The following DTNB variants were observed in gnomAD, a reference collection of about 807,000 sequenced individuals.
DTNB encodes DTN-B.
A neutral mutation model predicts 90.7 loss-of-function variants in DTNB; 63 were observed. That is an observed-to-expected ratio of 0.69 (90% CI 0.57 to 0.86). The LOEUF is 0.86. Ranked by LOEUF, DTNB falls within the 40% of genes least tolerant of loss-of-function variation. DTNB has a pLI of 0.00. For missense variants in DTNB, 744 were observed against 807.1 expected, an observed-to-expected ratio of 0.92 and a Z score of 0.95; for synonymous variants, 277 against 286.7, an observed-to-expected ratio of 0.97 and a Z score of 0.34.
At chr2:25,620,035 G>A (rs2072051213) in intron 4 of DTNB, among the ~76,000 whole-genome samples, 1 of 151,912 alleles carries the variant, frequency 6.6e-6, no homozygotes. Context: ...GTGAGACTCT[G>A]TCTCAAAAAA....
chr2:25,515,375 AACTT>A (rs1212878292), intron 9 of DTNB, among the ~76,000 whole-genome samples: 4 of 152,216 alleles, frequency 2.6e-5, no homozygotes, highest in Admixed American at 2.6e-4. Context: ...CCAATTTCAA[AACTT>A]ACTGTTAAGT....
chr2:25,468,415 A>G (rs894472842), intron 10 of DTNB, among the ~76,000 whole-genome samples: 3 of 152,142 alleles, frequency 2.0e-5, no homozygotes, highest in African/African-American at 4.8e-5. Flanking sequence ...TGAACTGTCC[A>G]TGTTGGAACA....
At chr2:25,547,886 TG>T (rs1359153395) in intron 8 of DTNB, among the ~76,000 whole-genome samples, 4 of 152,232 alleles carry the variant, frequency 2.6e-5, no homozygotes, top group African/African-American at 9.6e-5. Context: ...TTACCAAATT[TG>T]GTAATACCTA....
chr2:25,517,628 C>T (rs2075355769), intron 9 of DTNB, among the ~76,000 whole-genome samples: 1 of 152,036 alleles, frequency 6.6e-6, no homozygotes, highest in Non-Finnish European at 1.5e-5. Context: ...GAGGGTTCCT[C>T]GAATCCTCAA....
intron 1 of DTNB, among the ~76,000 whole-genome samples, chr2:25,661,816 G>A (rs1289011025): frequency 2.6e-5 from 4 of 152,094 alleles, no homozygotes; most frequent in Non-Finnish European, 5.9e-5. Flanking sequence ...TATATTGCTG[G>A]TGAAAGCATA....
chr2:25,509,081 T>G (rs1007989142), intron 9 of DTNB, among the ~76,000 whole-genome samples: 4 of 152,240 alleles, frequency 2.6e-5, no homozygotes, highest in Non-Finnish European at 5.9e-5. Context: ...GCATTTTCTA[T>G]GTACACAATC....
At chr2:25,571,685 TC>T (rs909946425) in intron 8 of DTNB, among the ~76,000 whole-genome samples, 11 of 152,060 alleles carry the variant, frequency 7.2e-5, no homozygotes, top group Non-Finnish European at 1.6e-4. Context: ...CATGTTAGAG[TC>T]CCATGCAGGT....
At chr2:25,631,581 A>C (rs2075764975) in intron 3 of DTNB, among the ~76,000 whole-genome samples, 2 of 152,048 alleles carry the variant, frequency 1.3e-5, no homozygotes, top group African/African-American at 2.4e-5. Context: ...GTCAAAAAAA[A>C]AAAAAGAAAG....
chr2:25,413,965 C>T lies in DTNB; in HGVS notation c.1575+5550G>A, dbSNP rs62128533. On this transcript the variant is annotated intron_variant, in intron 16 of 20. Transcript: ENST00000406818. ...TGTTGTTTCCTGACTTTTTAATGAT[C>T]GCCATTCTAACTGGTGTGAGATGGT... Among the ~76,000 whole-genome samples the T allele has an allele frequency of 2.2e-3, 334 of 152,206 alleles. 1 individual carries two copies. The highest frequency in any genetic ancestry group is 3.9e-3 in the Non-Finnish European group (266 of 68,020).
chr2:25,447,383 G>C (rs938549271), intron 12 of DTNB, among the ~76,000 whole-genome samples: 1 of 151,942 alleles, frequency 6.6e-6, no homozygotes, highest in East Asian at 1.9e-4. Context: ...TAATGTAAAT[G>C]TACCCAAAGT....
intron 1 of DTNB, among the ~76,000 whole-genome samples, chr2:25,659,634 AC>A (rs1444512878): frequency 6.6e-6 from 1 of 152,166 alleles, no homozygotes; most frequent in African/African-American, 2.4e-5. Flanking sequence ...TCTAATCTAT[AC>A]ATATAACAAC....
At chr2:25,493,290 T>C (rs2067986998) in intron 9 of DTNB, among the ~76,000 whole-genome samples, 1 of 152,246 alleles carries the variant, frequency 6.6e-6, no homozygotes, top group Admixed American at 6.5e-5. Flanking sequence ...ACATTTAATC[T>C]CTTATTAATA....
chr2:25,549,467 T>C (rs933798581), intron 8 of DTNB, among the ~76,000 whole-genome samples: 1 of 152,156 alleles, frequency 6.6e-6, no homozygotes, highest in Non-Finnish European at 1.5e-5. Context: ...TTCTTACAAG[T>C]TGGAGTTACA....
At position 25,434,243 on chromosome 2, in the gene DTNB, G is replaced by A. The variant is rs1002923306; in HGVS notation, c.1258-248C>T. Among the ~76,000 whole-genome samples the A allele has an allele frequency of 2.6e-5, 4 of 151,900 alleles. 1 individual carries two copies. Among genetic ancestry groups the A allele is most frequent in the Admixed American group, 6.6e-5 (1 of 15,254 alleles). On this transcript the variant is annotated intron_variant, in intron 12 of 20. Coordinates refer to ENST00000406818, the MANE Select transcript of DTNB (RefSeq NM_021907.5). The stretch of plus-strand genomic sequence containing the variant: ...CCCTCATGCCAGTTTGTCACCAGTC[G>A]CCACTCCCACCCCCAACCTCAGGCA...
At chr2:25,434,794 A>G (rs2055147035) in intron 12 of DTNB, among the ~76,000 whole-genome samples, 2 of 152,184 alleles carry the variant, frequency 1.3e-5, no homozygotes, top group South Asian at 2.1e-4. Flanking sequence ...ACTGCTTTCT[A>G]AAGTGGCTGT....
At chr2:25,539,665 T>A (rs568363775) in intron 8 of DTNB, among the ~76,000 whole-genome samples, 5 of 150,760 alleles carry the variant, frequency 3.3e-5, no homozygotes, top group African/African-American at 9.7e-5. Flanking sequence ...TACAAACAAC[T>A]CCTATTATGA....
At chr2:25,563,495 C>T (rs1198365850) in intron 8 of DTNB, among the ~76,000 whole-genome samples, 1 of 152,030 alleles carries the variant, frequency 6.6e-6, no homozygotes, top group African/African-American at 2.4e-5. Flanking sequence ...GTTGCTTGAG[C>T]TTTTGGTAGT....
chr2:25,391,833 C>A (rs377533649), intron 16 of DTNB, among the ~76,000 whole-genome samples: 1 of 152,094 alleles, frequency 6.6e-6, no homozygotes, highest in East Asian at 1.9e-4. Context: ...GTTGGATCAA[C>A]AATGAAATCA....
At chr2:25,410,586 T>C (rs763314632) in intron 16 of DTNB, among the ~76,000 whole-genome samples, 12 of 152,236 alleles carry the variant, frequency 7.9e-5, no homozygotes, top group East Asian at 1.9e-4. Context: ...AGAGGGGAAA[T>C]GAGAACAAAA....
Sources: allele counts gnomAD v4.1 joint callset (sites outside exome capture counted in the v4.1 genomes callset), GRCh38; gene constraint gnomAD v4.1.1; transcripts MANE v1.5; gene names NCBI Gene and HGNC (gene_info 2026-07-23, HGNC 2026-07-21).